Variants in EDIL3 observed in about 807,000 individuals in gnomAD.
EDIL3 encodes EGF like and discoidin domains 3, also known as EGF-like repeat and discoidin I-like domain-containing protein 3.
EDIL3 carries 37 observed loss-of-function variants against 67.4 expected under a neutral mutation model. The ratio of observed to expected loss-of-function variants is 0.55; its 90% confidence interval spans 0.42 to 0.72. The LOEUF is 0.72. Ranked by LOEUF, EDIL3 falls within the 30% of genes least tolerant of loss-of-function variation. The pLI is 0.00. For synonymous variants in EDIL3, 195 were observed against 196.3 expected (o/e 0.99, Z 0.05); for missense variants, 527 against 586.3 (o/e 0.90, Z 1.04).
At chr5:84,063,375 A>G (rs563158739) in intron 8 of EDIL3, among the ~76,000 whole-genome samples, 1 of 152,254 alleles carries the variant, frequency 6.6e-6, no homozygotes, top group African/African-American at 2.4e-5. Context: ...GGATCTTAAT[A>G]ACTGGAGTAA....
chr5:84,305,910 A>ATAG (rs773047328), intron 1 of EDIL3, among the ~76,000 whole-genome samples: 38,235 of 148,750 alleles, frequency 0.26, 5,648 homozygotes, highest in Non-Finnish European at 0.34. Context: ...TAAATAAATA[A>ATAG]ATAAATAAAT....
chr5:84,016,503 G>A (rs756041685), intron 9 of EDIL3, among the ~76,000 whole-genome samples: 2 of 152,066 alleles, frequency 1.3e-5, no homozygotes, highest in Non-Finnish European at 2.9e-5. Context: ...TCCCTAATCT[G>A]ATAATCCCAA....
chr5:84,084,659 G>A (rs1747037703), intron 6 of EDIL3, among the ~76,000 whole-genome samples: 1 of 151,868 alleles, frequency 6.6e-6, no homozygotes, highest in Non-Finnish European at 1.5e-5. Flanking sequence ...TTTTTTGCCT[G>A]TCTACAGAGT....
intron 1 of EDIL3, among the ~76,000 whole-genome samples, chr5:84,307,172 T>C (rs1746289131): frequency 6.6e-6 from 1 of 152,098 alleles, no homozygotes. Context: ...AAGTGAGTGA[T>C]AGGAGAGAAG....
At chr5:84,181,004 G>A (rs1749003503) in intron 3 of EDIL3, 1 of 152,186 alleles carries the variant, frequency 6.6e-6, no homozygotes, top group South Asian at 2.1e-4. Flanking sequence ...TCCCCTGCTG[G>A]TACAAGCAGC....
At chr5:83,969,633 G>A (rs1744756095) in intron 9 of EDIL3, among the ~76,000 whole-genome samples, 1 of 151,674 alleles carries the variant, frequency 6.6e-6, no homozygotes, top group South Asian at 2.1e-4. Context: ...TAAGAACCTG[G>A]CATTTGAAAT....
At chr5:84,360,581 C>T (rs1434736586) in intron 1 of EDIL3, among the ~76,000 whole-genome samples, 1 of 152,124 alleles carries the variant, frequency 6.6e-6, no homozygotes, top group Admixed American at 6.6e-5. Flanking sequence ...AATGCCATCA[C>T]TTGTGAAGGT....
intron 6 of EDIL3, among the ~76,000 whole-genome samples, chr5:84,095,928 G>T (rs114431270): frequency 1.3e-5 from 2 of 152,166 alleles, no homozygotes; most frequent in Admixed American, 6.5e-5. Flanking sequence ...CAGGGTCCCC[G>T]GTGCTGTGTG....
chr5:84,240,960 T>C (rs567619710), intron 2 of EDIL3, among the ~76,000 whole-genome samples: 1 of 152,224 alleles, frequency 6.6e-6, no homozygotes. Flanking sequence ...ATTCTATATT[T>C]GCTTAAAATG....
chr5:83,972,020 A>G (rs1272742996), intron 9 of EDIL3, among the ~76,000 whole-genome samples: 1 of 152,156 alleles, frequency 6.6e-6, no homozygotes, highest in Non-Finnish European at 1.5e-5. Flanking sequence ...ATGTATTATC[A>G]CAATGTTGTC....
chr5:84,086,322 C>T (rs1433218881), intron 6 of EDIL3, among the ~76,000 whole-genome samples: 5 of 152,134 alleles, frequency 3.3e-5, no homozygotes, highest in Admixed American at 3.3e-4. Flanking sequence ...TCCTGATCTG[C>T]GGATTGCAAA....
intron 1 of EDIL3, among the ~76,000 whole-genome samples, chr5:84,302,802 A>G (rs1347084026): frequency 2.0e-5 from 3 of 152,258 alleles, no homozygotes; most frequent in Non-Finnish European, 2.9e-5. Context: ...AGTAAAAACT[A>G]AAGTATTCAA....
At chr5:84,249,305 C>T (rs1236873930) in intron 2 of EDIL3, among the ~76,000 whole-genome samples, 1 of 152,124 alleles carries the variant, frequency 6.6e-6, no homozygotes, top group East Asian at 1.9e-4. Context: ...TTACACTTAG[C>T]TTAAAGCAAG....
At chr5:84,206,944 G>A (rs1404804094) in intron 3 of EDIL3, among the ~76,000 whole-genome samples, 1 of 152,178 alleles carries the variant, frequency 6.6e-6, no homozygotes, top group Non-Finnish European at 1.5e-5. Flanking sequence ...ATATCATACT[G>A]AATGGGCAAA....
At chr5:84,364,798 A>G (rs2112205082) in intron 1 of EDIL3, among the ~76,000 whole-genome samples, 1 of 152,200 alleles carries the variant, frequency 6.6e-6, no homozygotes, top group Non-Finnish European at 1.5e-5. Context: ...TACTTTAGAA[A>G]TAGGTACAAA....
chr5:84,294,616 C>T (rs1201291000), intron 1 of EDIL3, among the ~76,000 whole-genome samples: 1 of 151,810 alleles, frequency 6.6e-6, no homozygotes, highest in Non-Finnish European at 1.5e-5. Flanking sequence ...TAAAGGGATT[C>T]TTTATATTTA....
intron 3 of EDIL3, among the ~76,000 whole-genome samples, chr5:84,198,508 T>G (rs1028965692): frequency 6.6e-6 from 1 of 152,092 alleles, no homozygotes; most frequent in Non-Finnish European, 1.5e-5. Context: ...GTCTTAAGGA[T>G]TAACATACTC....
At chr5:84,038,776 G>A (rs1207665215) in intron 9 of EDIL3, among the ~76,000 whole-genome samples, 2 of 152,184 alleles carry the variant, frequency 1.3e-5, no homozygotes. Context: ...GACACAAAGT[G>A]TCCTGTTTTC....
chr5:84,369,345 AACG>A (rs1174159470), intron 1 of EDIL3, among the ~76,000 whole-genome samples: 3 of 152,068 alleles, frequency 2.0e-5, no homozygotes, highest in African/African-American at 7.2e-5. Flanking sequence ...CTTAAAAAGG[AACG>A]ACAACACAAC....
Sources: allele counts gnomAD v4.1 joint callset (sites outside exome capture counted in the v4.1 genomes callset), GRCh38; gene constraint gnomAD v4.1.1; transcripts MANE v1.5; gene names NCBI Gene and HGNC (gene_info 2026-07-23, HGNC 2026-07-21).